The following TNRC6A variants were observed in gnomAD, a reference collection of about 807,000 sequenced individuals.
TNRC6A encodes trinucleotide repeat-containing gene 6A protein.
In TNRC6A, 44 loss-of-function variants were observed where a neutral mutation model predicts 221.2. That is an observed-to-expected ratio of 0.20 (90% CI 0.16 to 0.26). The LOEUF (loss-of-function observed/expected upper bound fraction) is 0.26. TNRC6A is among the 10% of genes least tolerant of loss of function. TNRC6A has a pLI of 1.00. For missense variants in TNRC6A, 2,199 were observed against 2,404.4 expected, an observed-to-expected ratio of 0.91 and a Z score of 1.79; for synonymous variants, 847 against 838.5, an observed-to-expected ratio of 1.01 and a Z score of -0.18.
rs1902643041 is a variant in TNRC6A, at chr16:24,651,421, C to T, written n.402+10412C>T. ...CACATGGTGGCCTGTGCCTGTAATCCCAGCTACTCAGGAGGCTGAGGCAGG... is the reference window on the plus strand; with the variant it reads ...CACATGGTGGCCTGTGCCTGTAATCTCAGCTACTCAGGAGGCTGAGGCAGG... On this transcript the variant is annotated intron_variant and non_coding_transcript_variant, in intron 2 of 2. Coordinates refer to the TNRC6A transcript ENST00000566108. 2.6e-5 allele frequency among the ~76,000 whole-genome samples: 4 copies of T among 151,344 alleles called. No homozygotes were observed. The Admixed American group carries it at 2.6e-4, about 10-fold the overall frequency.
chr16:24,771,946 C>G (rs1274981159), intron 4 of TNRC6A, among the ~76,000 whole-genome samples: 4 of 152,240 alleles, frequency 2.6e-5, no homozygotes, highest in African/African-American at 9.6e-5. Flanking sequence ...AATATAGTCA[C>G]ATCCATTTGT....
intron 2 of TNRC6A, among the ~76,000 whole-genome samples, chr16:24,748,509 C>T (rs1234601273): frequency 6.6e-6 from 1 of 152,122 alleles, no homozygotes; most frequent in Non-Finnish European, 1.5e-5. Flanking sequence ...CATGACACTT[C>T]TGCTTGTAAC....
chr16:24,674,672 TTC>T (rs1264943475), intron 2 of TNRC6A, among the ~76,000 whole-genome samples: 1 of 148,246 alleles, frequency 6.7e-6, no homozygotes, highest in East Asian at 2.0e-4. Context: ...ATATTATTTA[TTC>T]TCTTACAACA....
At chr16:24,637,941 C>T (rs1901723937) in intron 1 of TNRC6A, among the ~76,000 whole-genome samples, 1 of 152,078 alleles carries the variant, frequency 6.6e-6, no homozygotes, top group Non-Finnish European at 1.5e-5. Context: ...CGCGCCACCA[C>T]ACCCAGCTAA....
intron 2 of TNRC6A, among the ~76,000 whole-genome samples, chr16:24,677,953 C>T (rs1287652684): frequency 2.6e-5 from 4 of 152,168 alleles, no homozygotes; most frequent in Non-Finnish European, 2.9e-5. Context: ...GATATTCATA[C>T]GCTTGTACAA....
chr16:24,768,049 G>A (rs1041245808), intron 4 of TNRC6A, among the ~76,000 whole-genome samples: 5 of 152,146 alleles, frequency 3.3e-5, no homozygotes, highest in Non-Finnish European at 5.9e-5. Context: ...CTTCTAAACA[G>A]TTCTAATAAG....
At chr16:24,754,365 T>C (rs943864608) in intron 3 of TNRC6A, among the ~76,000 whole-genome samples, 3 of 152,196 alleles carry the variant, frequency 2.0e-5, no homozygotes, top group African/African-American at 7.2e-5. Context: ...TGATTTGTAT[T>C]GTATTTCAGC....
chr16:24,812,877 C>CTTTTTTTTTT (rs71383720), intron 18 of TNRC6A, among the ~76,000 whole-genome samples: 1 of 74,992 alleles, frequency 1.3e-5, no homozygotes, highest in African/African-American at 5.4e-5. Flanking sequence ...ACCTCTTGGG[C>CTTTTTTTTTT]TTTTTTTTTT....
intron 2 of TNRC6A, among the ~76,000 whole-genome samples, chr16:24,704,631 C>T (rs978000205): frequency 7.9e-6 from 1 of 127,174 alleles, no homozygotes; most frequent in African/African-American, 3.0e-5. Flanking sequence ...CACCACAGCA[C>T]TCCAGCCTGG....
chr16:24,813,366 C>G (rs1338734859), intron 18 of TNRC6A, among the ~76,000 whole-genome samples: 1 of 152,142 alleles, frequency 6.6e-6, no homozygotes, highest in Non-Finnish European at 1.5e-5. Context: ...GTCCCAAGAG[C>G]CTATTAATAA....
chr16:24,694,722 C>T (rs1259329265), intron 2 of TNRC6A, among the ~76,000 whole-genome samples: 2 of 149,546 alleles, frequency 1.3e-5, no homozygotes, highest in Non-Finnish European at 3.0e-5. Context: ...TCACTTGAGG[C>T]CAGGAGCTCA....
chr16:24,729,694 C>A lies in TNRC6A; in HGVS notation c.-148C>A. 1 of 907,332 alleles carries A rather than the reference C, an allele frequency of 1.1e-6. No individual in the cohort carries two copies. Among genetic ancestry groups the A allele is most frequent in the East Asian group, 3.5e-5 (1 of 28,386 alleles). 56.2% of individuals were successfully genotyped at this position (907,332 alleles called of 1,614,324 possible). ...GCGGCGGCGGCGGTGTCGGCGGCGG[C>A]GGCGGCGGCGGCGGCGGCGGCGGCA... On this transcript the variant is annotated 5_prime_UTR_variant, in exon 1 of 25. Coordinates refer to ENST00000395799, the MANE Select transcript of TNRC6A (RefSeq NM_014494.4).
intron 2 of TNRC6A, among the ~76,000 whole-genome samples, chr16:24,646,333 C>T (rs1219917711): frequency 6.6e-6 from 1 of 152,182 alleles, no homozygotes; most frequent in Non-Finnish European, 1.5e-5. Flanking sequence ...CATGACTCAA[C>T]CAATGAACAT....
chr16:24,694,458 A>G (rs2055817636), intron 2 of TNRC6A, among the ~76,000 whole-genome samples: 1 of 152,018 alleles, frequency 6.6e-6, no homozygotes, highest in Non-Finnish European at 1.5e-5. Flanking sequence ...GATCGACACC[A>G]TCCTGGCTAA....
chr16:24,791,451 T>G lies in TNRC6A; in HGVS notation c.2809T>G (p.Ser937Ala), dbSNP rs1198076258. The G allele has an allele frequency of 2.6e-6, 4 of 1,532,204 alleles. No homozygotes were observed. Among genetic ancestry groups the G allele is most frequent in the Admixed American group, 2.2e-5 (1 of 46,510 alleles). 94.9% of individuals were successfully genotyped at this position (1,532,204 alleles called of 1,614,324 possible). A position where few individuals can be genotyped will look rare whatever the true frequency, so the allele number is the denominator to read the frequency against. Reference sequence around the variant, plus strand: ...TAATCAGTCTCTAGGTTGGGGAGATTCGTCAAAGCCAGTCAGCTCTCCAGA... The same window carrying G: ...TAATCAGTCTCTAGGTTGGGGAGATGCGTCAAAGCCAGTCAGCTCTCCAGA... ...KSNQSLGWGD[S>A]SKPVSSPDWN... is the part of the protein sequence containing the mutation. Residue 937 changes from serine (S) to alanine (A), a missense_variant, in exon 6 of 25, where the codon TCG (serine) becomes GCG (alanine). Physicochemically the swap from Ser to Ala is moderately conservative, Grantham distance 99. Around this residue, in one of 8 missense-constraint regions of TNRC6A, gnomAD observed 1,405 missense variants for 1,400.2 expected, o/e 1.00. Transcript: ENST00000395799.
chr16:24,755,175 A>G (rs1258130553), intron 3 of TNRC6A, among the ~76,000 whole-genome samples: 1 of 152,204 alleles, frequency 6.6e-6, no homozygotes, highest in Non-Finnish European at 1.5e-5. Context: ...GCTGATTGCT[A>G]AGTCATAGGA....
At chr16:24,611,108 C>A (rs1017700409) in intron 1 of TNRC6A, among the ~76,000 whole-genome samples, 1 of 152,086 alleles carries the variant, frequency 6.6e-6, no homozygotes, top group Non-Finnish European at 1.5e-5. Context: ...CCCCTGAGTC[C>A]AGCTGGATTT....
chr16:24,717,248 C>A (rs2056331141), intron 2 of TNRC6A, among the ~76,000 whole-genome samples: 1 of 152,002 alleles, frequency 6.6e-6, no homozygotes. Flanking sequence ...CTGTACCTGG[C>A]CTCATTATTT....
At chr16:24,690,342 G>T (rs2142123117) in intron 2 of TNRC6A, among the ~76,000 whole-genome samples, 1 of 152,150 alleles carries the variant, frequency 6.6e-6, no homozygotes, top group Middle Eastern at 3.4e-3. Flanking sequence ...AAATGAATAG[G>T]AAATAACAAG....
Sources: allele counts gnomAD v4.1 joint callset (sites outside exome capture counted in the v4.1 genomes callset), GRCh38; gene constraint gnomAD v4.1.1; regional missense constraint gnomAD v4.1.1; transcripts MANE v1.5; gene names NCBI Gene and HGNC (gene_info 2026-07-23, HGNC 2026-07-21).